The following TEX12 variants were observed in gnomAD, a reference collection of about 807,000 sequenced individuals.
The protein encoded by TEX12 is testis-expressed protein 12.
In TEX12, 7 loss-of-function variants were observed where a neutral mutation model predicts 14.6. The ratio of observed to expected loss-of-function variants is 0.48; its 90% CI spans 0.27 to 0.90. The LOEUF is 0.90. Among genes scored for constraint, TEX12 ranks in the 40% least tolerant of loss-of-function variants. The pLI, the probability that TEX12 is intolerant of heterozygous loss-of-function variation, is 0.12. For missense variants in TEX12, 121 were observed against 135.7 expected (o/e 0.89, Z 0.54); for synonymous variants, 57 against 49.1 (o/e 1.16, Z -0.67).
intron 1 of TEX12, among the ~76,000 whole-genome samples, chr11:112,168,338 A>C (rs1476646791): frequency 2.6e-5 from 4 of 152,188 alleles, no homozygotes; most frequent in Non-Finnish European, 5.9e-5. Flanking sequence ...AATTTATGGA[A>C]AAGTAAAAGT....
Position 112,171,876 on chromosome 11 carries a change from G to A in TEX12, c.332G>A (p.Arg111Gln). The change falls in exon 5 of 5, where the codon CGA becomes CAA. Residue 111 changes from arginine (R) to glutamine (Q), a missense_variant. Physicochemically the swap from Arg to Gln is conservative, Grantham distance 43. Transcript: ENST00000280358. Reference protein sequence around the residue: ...NFLIQKREFLRQRFTVIANTL... With the variant: ...NFLIQKREFLQQRFTVIANTL... ...CTAATACAAAAAAGAGAGTTCCTGC[G>A]ACAGAGGTTTACAGTGATTGCAAAC... The A allele has an allele frequency of 1.3e-6, 2 of 1,593,270 alleles. No individual in the cohort carries two copies. Among genetic ancestry groups the A allele is most frequent in the South Asian group, 1.1e-5 (1 of 87,060 alleles).
intron 1 of TEX12, 115 bp from the exon 2 acceptor site, chr11:112,169,138 A>G: frequency 2.9e-6 from 2 of 687,764 alleles, no homozygotes; most frequent in South Asian, 1.9e-5. Flanking sequence ...GGAAAGTGAC[A>G]GATAATGACA....
intron 1 of TEX12, 41 bp from the exon 2 acceptor site, chr11:112,169,212 G>A (rs1469605688): frequency 7.5e-7 from 1 of 1,336,778 alleles, no homozygotes; most frequent in African/African-American, 1.4e-5. Context: ...CTTGTAGCAT[G>A]GAGTTTGTAC....
chr11:112,171,636 A>G (rs1866791407), intron 4 of TEX12, 136 bp from the exon 5 acceptor site: 2 of 533,336 alleles, frequency 3.7e-6, no homozygotes, highest in Non-Finnish European at 3.0e-6. Flanking sequence ...TCTGAAGAGT[A>G]TTAGTAAATT....
rs778688126 is a variant in TEX12, at chr11:112,170,475, C to T, written c.120C>T (p.Phe40=). 1 of 1,613,756 alleles carries T rather than the reference C, an allele frequency of 6.2e-7. No homozygotes were observed. Among genetic ancestry groups the T allele is most frequent in the Non-Finnish European group, 8.5e-7 (1 of 1,179,826 alleles). The part of the protein sequence containing the change: ...LSSLGKSDSS[F]SEISGLFYKD... ...CTCTTGGAAAATCAGATTCATCTTT[C>T]TCTGAAATTTCCGGACTATTTTATA... The change falls in exon 3 of 5, where the codon TTC becomes TTT. Residue 40 remains phenylalanine, a synonymous_variant. Coordinates refer to ENST00000280358, the MANE Select transcript of TEX12 (RefSeq NM_031275.4).
chr11:112,168,262 TC>T (rs1866749883), intron 1 of TEX12, among the ~76,000 whole-genome samples: 1 of 152,200 alleles, frequency 6.6e-6, no homozygotes, highest in South Asian at 2.1e-4. Context: ...TCCCCTCATC[TC>T]AAAGACACAG....
intron 4 of TEX12, 109 bp downstream of exon 4, chr11:112,170,783 CT>C: frequency 1.2e-6 from 1 of 827,974 alleles, no homozygotes; most frequent in Non-Finnish European, 1.9e-6. Flanking sequence ...GTAATTAAAA[CT>C]TTGGAATTTT....
chr11:112,169,044 A>G (rs1391454352), intron 1 of TEX12, among the ~76,000 whole-genome samples: 1 of 152,216 alleles, frequency 6.6e-6, no homozygotes, highest in Non-Finnish European at 1.5e-5. Flanking sequence ...TTTTTGAGTT[A>G]AAGGAATGCA....
At chr11:112,168,301 T>A (rs1339011929) in intron 1 of TEX12, among the ~76,000 whole-genome samples, 1 of 152,182 alleles carries the variant, frequency 6.6e-6, no homozygotes, top group Admixed American at 6.5e-5. Flanking sequence ...GTTTCAACAT[T>A]TGGACTCCTA....
intron 3 of TEX12, 45 bp downstream of exon 3, chr11:112,170,575 G>A (rs1195298588): frequency 6.3e-7 from 1 of 1,589,510 alleles, no homozygotes; most frequent in Non-Finnish European, 8.6e-7. Context: ...GTCTTATAAT[G>A]CAGAAGGTTT....
At position 112,168,493 on chromosome 11, in the gene TEX12, G is replaced by C. The variant is rs147611246; in HGVS notation, c.-16-760G>C. Among the ~76,000 whole-genome samples the C allele has an allele frequency of 4.0e-4, 61 of 152,102 alleles. No homozygotes were observed. In the East Asian group the frequency reaches 7.5e-3, roughly 19 times the overall value. On this transcript the variant is annotated intron_variant, in intron 1 of 4. Transcript: ENST00000280358. Reference sequence around the variant, plus strand: ...CTGTTTTCTCACTTGTAAAAAATGAGATTGAATTAGATGAACTGTAAGACC... The same window carrying C: ...CTGTTTTCTCACTTGTAAAAAATGACATTGAATTAGATGAACTGTAAGACC...
intron 4 of TEX12, among the ~76,000 whole-genome samples, chr11:112,171,547 T>C (rs1044302170): frequency 6.6e-6 from 1 of 152,072 alleles, no homozygotes; most frequent in African/African-American, 2.4e-5. Flanking sequence ...ATTAGTGTTA[T>C]AATGTATAAG....
chr11:112,168,388 A>T (rs1459332928), intron 1 of TEX12, among the ~76,000 whole-genome samples: 2 of 152,194 alleles, frequency 1.3e-5, no homozygotes, highest in Admixed American at 1.3e-4. Context: ...GGACAGTGGG[A>T]ATAACCTCAG....
At position 112,169,308 on chromosome 11, in the gene TEX12, T is replaced by C. The variant is rs775692784; in HGVS notation, c.40T>C (p.Cys14Arg). The C allele has an allele frequency of 5.0e-6, 8 of 1,613,622 alleles. No individual in the cohort carries two copies. The highest frequency in any genetic ancestry group is 2.7e-5 in the African/African-American group (2 of 74,924). Reference sequence around the variant, plus strand: ...CCTTGTAAAGCCTGATAATAGAAATTGCAAGAGGCCAAGAGAATTGGAGGT... The same window carrying C: ...CCTTGTAAAGCCTGATAATAGAAATCGCAAGAGGCCAAGAGAATTGGAGGT... ...NHLVKPDNRN[C>R]KRPRELESPV... is the part of the protein sequence containing the mutation. The change falls in exon 2 of 5, where the codon TGC becomes CGC. Residue 14 changes from cysteine to arginine, a missense_variant. Coordinates refer to ENST00000280358, the MANE Select transcript of TEX12 (RefSeq NM_031275.4).
intron 1 of TEX12, among the ~76,000 whole-genome samples, chr11:112,168,938 T>C (rs997623928): frequency 1.3e-5 from 2 of 151,878 alleles, no homozygotes; most frequent in Non-Finnish European, 2.9e-5. Flanking sequence ...TAGAGAGGAG[T>C]AGTTGAAAAT....
At position 112,169,259 on chromosome 11, in the gene TEX12, C is replaced by A. The variant is rs771711207; in HGVS notation, c.-10C>A. 1.9e-6 allele frequency: 3 copies of A among 1,612,182 alleles called. No individual in the cohort carries two copies. Among genetic ancestry groups the A allele is most frequent in the Non-Finnish European group, 2.5e-6 (3 of 1,178,410 alleles). Reference sequence around the variant, plus strand: ...ATTGTTCTAAGCTTTGTAGCTGGTGCCTTCGGAATATGATGGCAAATCACC... The same window carrying A: ...ATTGTTCTAAGCTTTGTAGCTGGTGACTTCGGAATATGATGGCAAATCACC... On this transcript the variant is annotated 5_prime_UTR_variant, in exon 2 of 5. Transcript: ENST00000280358.
chr11:112,170,625 G>A lies in TEX12; in HGVS notation c.178G>A (p.Val60Met), dbSNP rs1344554732. ...DEALEKDLNDVSKEINLMLST... is the reference protein window; with the variant it reads ...DEALEKDLNDMSKEINLMLST... ...CTTAAATGATTTTTCTTGAACAGAT[G>A]TGAGCAAGGAAATTAATCTAATGTT... Residue 60 changes from valine (V) to methionine (M), a missense_variant and splice_region_variant, in exon 4 of 5, where the codon GTG becomes ATG. By Grantham distance (21) the Val-to-Met change is conservative (BLOSUM62 1). Transcript: ENST00000280358. 2.5e-6 allele frequency: 4 copies of A among 1,611,350 alleles called. No homozygotes were observed. In the East Asian group the frequency reaches 8.9e-5, roughly 36 times the overall value.
intron 4 of TEX12, among the ~76,000 whole-genome samples, chr11:112,171,284 T>C (rs1429350205): frequency 3.3e-5 from 5 of 152,068 alleles, no homozygotes; most frequent in Admixed American, 3.3e-4. Context: ...GCAAATACTA[T>C]GGCATTTTAT....
intron 1 of TEX12, among the ~76,000 whole-genome samples, chr11:112,168,458 G>A (rs1046308636): frequency 3.3e-5 from 5 of 152,084 alleles, no homozygotes; most frequent in African/African-American, 4.8e-5. Context: ...TTGATCCACC[G>A]TCACTGTCCC....
Sources: gnomAD v4.1 joint callset for allele counts (sites outside exome capture counted in the v4.1 genomes callset) on GRCh38, gnomAD v4.1.1 for gene constraint, MANE v1.5 for transcripts, NCBI Gene and HGNC (gene_info 2026-07-23, HGNC 2026-07-21) for gene names.